Variants in SLC24A2 observed in about 807,000 individuals in gnomAD.
The protein encoded by SLC24A2 is sodium/potassium/calcium exchanger 2.
In SLC24A2, 36 loss-of-function variants were observed where a neutral mutation model predicts 62.0. The ratio of observed to expected loss-of-function variants is 0.58; its 90% CI spans 0.44 to 0.77. The LOEUF is 0.77. Ranked by LOEUF, SLC24A2 falls within the 30% of genes least tolerant of loss-of-function variation. The probability of loss-of-function intolerance (pLI) is 0.00; values close to 1 mark genes in which losing one functional copy is unlikely to be tolerated. For missense variants in SLC24A2, 846 were observed against 817.9 expected (o/e 1.03, Z -0.42); for synonymous variants, 358 against 294.0 (o/e 1.22, Z -2.23).
chr9:19,535,781 T>C (rs1833935040), intron 8 of SLC24A2, among the ~76,000 whole-genome samples: 1 of 152,220 alleles, frequency 6.6e-6, no homozygotes, highest in Non-Finnish European at 1.5e-5. Context: ...GGTAGTGTGA[T>C]GCCTCCAGCT....
chr9:20,082,534 C>G, the SLC24A2 span, among the ~76,000 whole-genome samples: 5 of 152,242 alleles, frequency 3.3e-5, no homozygotes, highest in Admixed American at 6.5e-5. Flanking sequence ...ATCCCACCAG[C>G]CTCCCATGCT....
chr9:19,909,694 A>G, the SLC24A2 span, among the ~76,000 whole-genome samples: 6 of 152,214 alleles, frequency 3.9e-5, no homozygotes, highest in South Asian at 2.1e-4. Flanking sequence ...TCTTTGTGGC[A>G]GGGAGGGCAT....
chr9:19,571,261 G>A (rs550362446), intron 7 of SLC24A2, among the ~76,000 whole-genome samples: 204 of 152,326 alleles, frequency 1.3e-3, no homozygotes, highest in Non-Finnish European at 2.3e-3. Flanking sequence ...GGGCAGGAAG[G>A]TAAGGAGCAT....
At chr9:19,892,117 G>T in the SLC24A2 span, among the ~76,000 whole-genome samples, 1 of 151,876 alleles carries the variant, frequency 6.6e-6, no homozygotes, top group African/African-American at 2.4e-5. Context: ...CTAACTAGTT[G>T]TACTTCAGGG....
chr9:19,547,444 C>T (rs368274563), intron 8 of SLC24A2, among the ~76,000 whole-genome samples: 18 of 152,276 alleles, frequency 1.2e-4, no homozygotes, highest in Admixed American at 2.6e-4. Flanking sequence ...ACCCACGTAA[C>T]GACTGCCTTG....
chr9:19,698,576 T>C (rs1820261200), intron 2 of SLC24A2, among the ~76,000 whole-genome samples: 1 of 152,206 alleles, frequency 6.6e-6, no homozygotes, highest in South Asian at 2.1e-4. Flanking sequence ...TACTCATCCC[T>C]TCATCTTTAA....
At chr9:19,651,631 C>G (rs939919930) in intron 2 of SLC24A2, among the ~76,000 whole-genome samples, 10 of 152,188 alleles carry the variant, frequency 6.6e-5, no homozygotes, top group Admixed American at 6.5e-4. Flanking sequence ...CAAACTTTCA[C>G]TACTTTTTAA....
At chr9:20,104,034 A>G in the SLC24A2 span, among the ~76,000 whole-genome samples, 1 of 152,332 alleles carries the variant, frequency 6.6e-6, no homozygotes, top group African/African-American at 2.4e-5. Context: ...GCCAAGGCTC[A>G]AGAACTACAT....
chr9:20,284,458 A>C, the SLC24A2 span, among the ~76,000 whole-genome samples: 3 of 152,026 alleles, frequency 2.0e-5, no homozygotes, highest in African/African-American at 7.2e-5. Flanking sequence ...ACATTATCTT[A>C]ATAACTGCAG....
the SLC24A2 span, among the ~76,000 whole-genome samples, chr9:20,276,227 T>C: frequency 6.6e-6 from 1 of 152,196 alleles, no homozygotes; most frequent in Admixed American, 6.5e-5. Context: ...GCAAGTTAAT[T>C]TCTTCCTAGA....
chr9:19,895,965 C>A, the SLC24A2 span: 1 of 1,609,270 alleles, frequency 6.2e-7, no homozygotes, highest in South Asian at 1.1e-5. Flanking sequence ...AGTCTTGGAG[C>A]ATGTAACTCT....
chr9:20,027,764 T>C, the SLC24A2 span, among the ~76,000 whole-genome samples: 1 of 152,164 alleles, frequency 6.6e-6, no homozygotes, highest in Non-Finnish European at 1.5e-5. Flanking sequence ...ATAATGACAA[T>C]ATATGGTATT....
chr9:20,268,111 C>G, the SLC24A2 span, among the ~76,000 whole-genome samples: 1 of 152,174 alleles, frequency 6.6e-6, no homozygotes, highest in Non-Finnish European at 1.5e-5. Context: ...ACTACCTTAG[C>G]CACATTGGCT....
chr9:19,899,194 A>G, the SLC24A2 span, among the ~76,000 whole-genome samples: 5 of 152,340 alleles, frequency 3.3e-5, no homozygotes, highest in Admixed American at 3.3e-4. Flanking sequence ...CCTAAGTCAC[A>G]CACCTATGCT....
chr9:20,151,882 C>T, the SLC24A2 span, among the ~76,000 whole-genome samples: 3 of 151,540 alleles, frequency 2.0e-5, no homozygotes, highest in African/African-American at 7.3e-5. Context: ...TTTAAATGCC[C>T]CAATCAAAAG....
the SLC24A2 span, among the ~76,000 whole-genome samples, chr9:20,078,866 A>G: frequency 6.6e-6 from 1 of 152,226 alleles, no homozygotes; most frequent in Admixed American, 6.5e-5. Context: ...ATAGAAATGA[A>G]GAATTGTATG....
chr9:20,143,089 G>A, the SLC24A2 span, among the ~76,000 whole-genome samples: 2 of 152,194 alleles, frequency 1.3e-5, no homozygotes, highest in Non-Finnish European at 2.9e-5. Flanking sequence ...TTCAAATGTA[G>A]GTCTGCTGAT....
chr9:19,561,189 C>T (rs1158727851), intron 7 of SLC24A2, among the ~76,000 whole-genome samples: 3 of 152,100 alleles, frequency 2.0e-5, no homozygotes, highest in African/African-American at 4.8e-5. Flanking sequence ...CTTGGCTTCC[C>T]AAAGTGCTGG....
the SLC24A2 span, among the ~76,000 whole-genome samples, chr9:20,197,971 A>G: frequency 6.6e-6 from 1 of 152,218 alleles, no homozygotes; most frequent in African/African-American, 2.4e-5. Context: ...CGAGAGGGCT[A>G]TCTCCCAAGA....
Sources: gnomAD v4.1 joint callset for allele counts (sites outside exome capture counted in the v4.1 genomes callset) on GRCh38, gnomAD v4.1.1 for gene constraint, MANE v1.5 for transcripts, NCBI Gene and HGNC (gene_info 2026-07-23, HGNC 2026-07-21) for gene names.